CSMD2: variants seen among roughly 807,000 people sequenced by gnomAD.
The protein encoded by CSMD2 is CUB and Sushi multiple domains 2, also known as CUB and sushi domain-containing protein 2.
A neutral mutation model predicts 398.5 loss-of-function variants in CSMD2; 130 were observed. That is an observed-to-expected ratio of 0.33 (90% CI 0.28 to 0.38). The LOEUF (loss-of-function observed/expected upper bound fraction) is 0.38. Among genes scored for constraint, CSMD2 ranks in the 10% least tolerant of loss-of-function variants. The pLI is 1.00. For synonymous variants in CSMD2, 1,828 were observed against 1,908.5 expected, an observed-to-expected ratio of 0.96 and a Z score of 1.10; for missense variants, 3,829 against 4,764.9, an observed-to-expected ratio of 0.80 and a Z score of 5.78.
intron 25 of CSMD2, among the ~76,000 whole-genome samples, chr1:33,677,915 A>G (rs929471409): frequency 2.2e-5 from 3 of 134,048 alleles, no homozygotes; most frequent in African/African-American, 8.5e-5. Context: ...CAATGAGAAC[A>G]CGTGGACACA....
intron 25 of CSMD2, among the ~76,000 whole-genome samples, chr1:33,665,621 T>A (rs1327259805): frequency 6.6e-6 from 1 of 151,522 alleles, no homozygotes; most frequent in Non-Finnish European, 1.5e-5. Context: ...AGGGATGGGG[T>A]TTTTCTGTGT....
chr1:33,576,564 C>A (rs1162767259), intron 49 of CSMD2, among the ~76,000 whole-genome samples: 1 of 152,176 alleles, frequency 6.6e-6, no homozygotes, highest in African/African-American at 2.4e-5. Flanking sequence ...GGACTCCAGC[C>A]TGGGCGACAG....
At chr1:33,650,041 C>T (rs1643670394) in intron 28 of CSMD2, among the ~76,000 whole-genome samples, 1 of 152,192 alleles carries the variant, frequency 6.6e-6, no homozygotes, top group Non-Finnish European at 1.5e-5. Flanking sequence ...TTCTTGACAT[C>T]TGCTCTTTTG....
intron 3 of CSMD2, among the ~76,000 whole-genome samples, chr1:34,030,323 AT>A (rs1405312558): frequency 5.3e-5 from 8 of 152,308 alleles, no homozygotes; most frequent in Admixed American, 3.3e-4. Flanking sequence ...TAAGTATCTC[AT>A]TGGCTTTGCA....
In CSMD2 at chr1:33,738,088, TACTC is replaced by T. The variant is rs554862814; in HGVS notation, c.2368+1048_2368+1051del. ...CGAGCCATTTGTAAGCTCTGGGTAA[TACTC>T]TCTCTCAGGCATGCTCCCTTCTTCA... On this transcript the variant is annotated intron_variant, in intron 15 of 70. Transcript: ENST00000373381. 2.8e-4 allele frequency among the ~76,000 whole-genome samples: 42 copies of T among 151,944 alleles called. 1 individual carries two copies. In the East Asian group the frequency reaches 7.4e-3, roughly 27 times the overall value.
chr1:33,596,077 C>A (rs957150888), intron 44 of CSMD2, among the ~76,000 whole-genome samples: 1 of 152,170 alleles, frequency 6.6e-6, no homozygotes, highest in Non-Finnish European at 1.5e-5. Context: ...ATAGTTCTAA[C>A]CCTCTTCTCT....
At chr1:33,750,704 G>A (rs763228492) in intron 13 of CSMD2, among the ~76,000 whole-genome samples, 2 of 152,188 alleles carry the variant, frequency 1.3e-5, no homozygotes, top group Non-Finnish European at 2.9e-5. Flanking sequence ...GATAAAGGGG[G>A]CTTTTGAAAT....
chr1:33,656,454 G>A (rs1047404570), intron 27 of CSMD2, among the ~76,000 whole-genome samples: 3 of 152,174 alleles, frequency 2.0e-5, no homozygotes, highest in African/African-American at 7.2e-5. Context: ...ATACCTATGC[G>A]GCTCCTAATT....
intron 1 of CSMD2, among the ~76,000 whole-genome samples, chr1:34,107,190 C>A (rs1660604003): frequency 6.6e-6 from 1 of 152,144 alleles, no homozygotes; most frequent in African/African-American, 2.4e-5. Flanking sequence ...TGAGAAGATG[C>A]CTGAGCTATG....
chr1:33,645,085 G>C (rs549523620), intron 29 of CSMD2, among the ~76,000 whole-genome samples: 1 of 152,204 alleles, frequency 6.6e-6, no homozygotes, highest in East Asian at 1.9e-4. Flanking sequence ...GTTCTAATTA[G>C]TGTTATGTGT....
chr1:33,716,373 C>T lies in CSMD2; in HGVS notation c.3130G>A (p.Ala1044Thr), dbSNP rs765882833. The change falls in exon 20 of 71, where the codon GCT (alanine) becomes ACT (threonine). Residue 1044 changes from alanine to threonine, a missense_variant. This residue lies in a region of CSMD2 where 2,001 missense variants were observed against 2,567.1 expected (regional missense o/e 0.78). Coordinates refer to ENST00000373381, the MANE Select transcript of CSMD2 (RefSeq NM_001281956.2). Reference protein sequence around the residue: ...TGSRLPAPISAGLYGNFTAQV... With the variant: ...TGSRLPAPISTGLYGNFTAQV... Reference sequence around the variant, plus strand: ...GCAGTGAAGTTGCCATAGAGCCCAGCGCTGATGGGAGCTGGCAGCCGAGAT... The same window carrying T: ...GCAGTGAAGTTGCCATAGAGCCCAGTGCTGATGGGAGCTGGCAGCCGAGAT... The T allele has an allele frequency of 3.1e-6, 5 of 1,614,086 alleles. No homozygotes were observed. Among genetic ancestry groups the T allele is most frequent in the South Asian group, 2.2e-5 (2 of 91,076 alleles).
rs942210620 is a variant in CSMD2 at position 33,772,482 on chromosome 1, C to T, written c.1846+87G>A. On this transcript the variant is annotated intron_variant, in intron 13 of 70. Coordinates refer to ENST00000373381, the MANE Select transcript of CSMD2 (RefSeq NM_001281956.2). ...GCTGTTGTTACAACCTGCAAGGTTC[C>T]CAGGGACGGGGCCCCTGGATTAGCT... is the stretch of plus-strand genomic sequence containing the variant. 3.9e-6 allele frequency: 5 copies of T among 1,277,258 alleles called. No homozygotes were observed. The South Asian group carries it at 5.5e-5, about 14-fold the overall frequency. The allele number at this position is 1,277,258 out of a possible 1,614,324, so 79.1% of individuals were successfully genotyped here.
chr1:34,127,093 A>C (rs1170820531), intron 1 of CSMD2, among the ~76,000 whole-genome samples: 1 of 152,104 alleles, frequency 6.6e-6, no homozygotes, highest in Admixed American at 6.5e-5. Flanking sequence ...CAGAGAGACC[A>C]GATAGGGATA....
intron 25 of CSMD2, among the ~76,000 whole-genome samples, chr1:33,691,353 G>A (rs1411588105): frequency 1.3e-5 from 2 of 152,088 alleles, no homozygotes; most frequent in African/African-American, 4.8e-5. Flanking sequence ...CAGCAGTGCC[G>A]TGCAGGATGA....
At chr1:34,043,474 C>T (rs769891338) in intron 2 of CSMD2, among the ~76,000 whole-genome samples, 29 of 152,308 alleles carry the variant, frequency 1.9e-4, no homozygotes, top group South Asian at 1.0e-3. Context: ...GATCATGAAT[C>T]GATTTTCTTA....
chr1:33,864,559 T>C (rs1639826845), intron 5 of CSMD2: 1 of 1,614,008 alleles, frequency 6.2e-7, no homozygotes, highest in Admixed American at 1.7e-5. Context: ...GTGGTGCAGG[T>C]GGCCAAGGCC....
chr1:33,622,054 G>A (rs1641807719), intron 37 of CSMD2, 113 bp downstream of exon 37: 1 of 799,330 alleles, frequency 1.3e-6, no homozygotes, highest in Non-Finnish European at 2.2e-6. Context: ...TTGTGGGAAG[G>A]CTTAAGTGGG....
At position 33,614,517 on chromosome 1, in the gene CSMD2, C is replaced by T. The variant is rs1465299846; in HGVS notation, c.6120G>A (p.Leu2040=). The change falls in exon 40 of 71, where the codon CTG becomes CTA. Residue 2040 remains leucine, a synonymous_variant. Transcript: ENST00000373381. The stretch of plus-strand genomic sequence containing the variant: ...GCAGAGACTTACCAAAGCCCACGGG[C>T]AGTGCTATTTTCCAGGAGCAGTCCA... ...SNMDCSWKIA[L]PVGFGAHIQF... is the part of the protein sequence containing the mutation. 6.3e-7 allele frequency: 1 copy of T among 1,599,924 alleles called. No homozygotes were observed. The highest frequency in any genetic ancestry group is 1.7e-5 in the Admixed American group (1 of 60,000).
At chr1:33,710,696 C>T (rs1222592850) in intron 21 of CSMD2, among the ~76,000 whole-genome samples, 1 of 152,176 alleles carries the variant, frequency 6.6e-6, no homozygotes, top group African/African-American at 2.4e-5. Flanking sequence ...TTATAGTTAA[C>T]CCTAATTACC....
Sources: allele counts gnomAD v4.1 joint callset (sites outside exome capture counted in the v4.1 genomes callset), GRCh38; gene constraint gnomAD v4.1.1; regional missense constraint gnomAD v4.1.1; transcripts MANE v1.5; gene names NCBI Gene and HGNC (gene_info 2026-07-23, HGNC 2026-07-21).